ZBTB2: variants seen among roughly 807,000 people sequenced by gnomAD.
ZBTB2 encodes zinc finger and BTB domain-containing protein 2.
ZBTB2 carries 2 observed loss-of-function variants against 39.5 expected under a neutral mutation model. The observed-to-expected ratio is 0.05, with a 90% CI of 0.02 to 0.16. The LOEUF is 0.16. Among genes scored for constraint, ZBTB2 ranks in the 10% least tolerant of loss-of-function variants. The pLI is 1.00. For missense variants in ZBTB2, 391 were observed against 653.0 expected (o/e 0.60, Z 4.37); for synonymous variants, 251 against 256.6 (o/e 0.98, Z 0.21).
At chr6:151,374,930 TAAAAAAAAAA>T (rs71556221) in intron 1 of ZBTB2, among the ~76,000 whole-genome samples, 1 of 63,838 alleles carries the variant, frequency 1.6e-5, no homozygotes, top group Non-Finnish European at 3.1e-5. Context: ...CCGTCTCTAC[TAAAAAAAAAA>T]AAAAAAAAAA....
Position 151,373,455 on chromosome 6 carries a change from C to T in ZBTB2, c.173+10G>A. 2 of 1,614,034 alleles carry T rather than the reference C, an allele frequency of 1.2e-6. No homozygotes were observed. Among genetic ancestry groups the T allele is most frequent in the Non-Finnish European group, 1.7e-6 (2 of 1,179,990 alleles). On this transcript the variant is annotated intron_variant, in intron 2 of 2. Coordinates refer to ENST00000325144, the MANE Select transcript of ZBTB2 (RefSeq NM_020861.3). ...ACAGTCATTAGGTTATTAGCAACCA[C>T]TTTAGTTACCTGGTCTGATGGACAA...
At chr6:151,378,408 C>G (rs1310564772) in intron 1 of ZBTB2, among the ~76,000 whole-genome samples, 1 of 152,178 alleles carries the variant, frequency 6.6e-6, no homozygotes, top group Non-Finnish European at 1.5e-5. Context: ...CCACTACTTT[C>G]TGTGTATGCC....
In ZBTB2 at chr6:151,367,044, C is replaced by T. The variant is rs889476033; in HGVS notation, c.174-152G>A. 4 of 834,930 alleles carry T rather than the reference C, an allele frequency of 4.8e-6. No individual in the cohort carries two copies. In the Admixed American group the frequency reaches 9.7e-5, roughly 20 times the overall value. 51.7% of individuals were successfully genotyped at this position (834,930 alleles called of 1,614,324 possible). ...TTTCATGAAAATGGGATGAAATAAT[C>T]AAGAGACGAAGTTCACGTTAAAGAA... On this transcript the variant is annotated intron_variant, in intron 2 of 2. Coordinates refer to ENST00000325144, the MANE Select transcript of ZBTB2 (RefSeq NM_020861.3).
At chr6:151,380,140 G>GA (rs201128167) in intron 1 of ZBTB2, among the ~76,000 whole-genome samples, 3,655 of 141,002 alleles carry the variant, frequency 0.026, 74 homozygotes, top group African/African-American at 0.065. Flanking sequence ...CCAGAGAAAT[G>GA]AAAAAAAAAA....
rs559627259 is a variant in ZBTB2, at chr6:151,377,049, T to C, written c.-12-3400A>G. On this transcript the variant is annotated intron_variant, in intron 1 of 2. Transcript: ENST00000325144. ...TACTGATAACGTACAACAACTTGGGTGAATTACACTCAGTGAAAAAAGCCA... is the reference window on the plus strand; with the variant it reads ...TACTGATAACGTACAACAACTTGGGCGAATTACACTCAGTGAAAAAAGCCA... Among the ~76,000 whole-genome samples, 287 of 151,998 alleles carry C rather than the reference T, an allele frequency of 1.9e-3. 2 individuals carry two copies. The highest frequency in any genetic ancestry group is 6.7e-3 in the African/African-American group (279 of 41,452).
chr6:151,373,869 A>C lies in ZBTB2; in HGVS notation c.-12-220T>G, dbSNP rs1030641470. On this transcript the variant is annotated intron_variant, in intron 1 of 2. Coordinates refer to ENST00000325144, the MANE Select transcript of ZBTB2 (RefSeq NM_020861.3). ...AAAAAAAAAAAAAAAAAAAAAAAAA[A>C]AAAAAAAACCAGATGATGCCATTTA... Among the ~76,000 whole-genome samples, 67 of 147,340 alleles carry C rather than the reference A, an allele frequency of 4.5e-4. 1 individual carries two copies. The highest frequency in any genetic ancestry group is 3.9e-3 in the Middle Eastern group (1 of 258).
chr6:151,380,449 G>A (rs912376051), intron 1 of ZBTB2, among the ~76,000 whole-genome samples: 2 of 152,262 alleles, frequency 1.3e-5, no homozygotes, highest in African/African-American at 4.8e-5. Context: ...ATTTCCATGA[G>A]GCTTAACTGG....
chr6:151,373,147 TC>T (rs1191376240), intron 2 of ZBTB2, among the ~76,000 whole-genome samples: 1 of 90,412 alleles, frequency 1.1e-5, no homozygotes, highest in Admixed American at 1.9e-4. Flanking sequence ...AGAGAGAGAC[TC>T]CGTCTCAAAA....
At chr6:151,367,123 A>AT (rs762359532) in intron 2 of ZBTB2, among the ~76,000 whole-genome samples, 2,753 of 144,398 alleles carry the variant, frequency 0.019, 59 homozygotes, top group African/African-American at 0.057. Context: ...TAGTAAGTTA[A>AT]TTTTTTTTTT....
intron 2 of ZBTB2, among the ~76,000 whole-genome samples, chr6:151,367,731 C>T (rs1306886335): frequency 6.6e-6 from 1 of 152,086 alleles, no homozygotes; most frequent in Non-Finnish European, 1.5e-5. Flanking sequence ...TTATTTAGTC[C>T]GATTTGACAG....
Position 151,366,382 on chromosome 6 carries a change from A to G in ZBTB2, c.684T>C (p.Asp228=). ...EETNLEASSS[D]EQPASLTIAH... ...CTATTGTGAGGGACGCAGGCTGCTC[A>G]TCGGAGGAAGATGCTTCCAGATTGG... The change falls in exon 3 of 3, where the codon GAT becomes GAC. Residue 228 remains aspartate, a synonymous_variant. Transcript: ENST00000325144. The surrounding 1 kb of genome is among the most constrained non-coding windows in gnomAD (Gnocchi z 7.1). 3 of 1,614,132 alleles carry G rather than the reference A, an allele frequency of 1.9e-6. No individual in the cohort carries two copies. Among genetic ancestry groups the G allele is most frequent in the African/African-American group, 1.3e-5 (1 of 75,038 alleles).
intron 2 of ZBTB2, among the ~76,000 whole-genome samples, chr6:151,367,268 T>A (rs1198158307): frequency 6.6e-6 from 1 of 151,882 alleles, no homozygotes; most frequent in Non-Finnish European, 1.5e-5. Flanking sequence ...TTACAGGCGC[T>A]CACTACCACG....
At chr6:151,385,951 A>G (rs1779141134) in intron 1 of ZBTB2, among the ~76,000 whole-genome samples, 1 of 152,168 alleles carries the variant, frequency 6.6e-6, no homozygotes, top group Non-Finnish European at 1.5e-5. Context: ...CTTCTTCCAT[A>G]GTAATTAGAA....
At chr6:151,379,030 T>A (rs1390236373) in intron 1 of ZBTB2, among the ~76,000 whole-genome samples, 2 of 152,250 alleles carry the variant, frequency 1.3e-5, no homozygotes, top group Non-Finnish European at 2.9e-5. Flanking sequence ...TTAGTTGGAA[T>A]GTGCTACATG....
intron 1 of ZBTB2, among the ~76,000 whole-genome samples, chr6:151,385,048 A>C (rs1335388613): frequency 1.3e-5 from 2 of 151,946 alleles, no homozygotes; most frequent in Non-Finnish European, 2.9e-5. Context: ...CTTAAAAAAA[A>C]CCCAACTAAA....
intron 1 of ZBTB2, among the ~76,000 whole-genome samples, chr6:151,387,554 T>C (rs748244919): frequency 1.6e-4 from 24 of 152,312 alleles, no homozygotes; most frequent in Non-Finnish European, 2.9e-4. Context: ...CAGGAGAACA[T>C]GCGCACTTCA....
Position 151,366,948 on chromosome 6 carries a change from A to G in ZBTB2, c.174-56T>C. On this transcript the variant is annotated intron_variant, in intron 2 of 2. Transcript: ENST00000325144. The surrounding 1 kb of genome is among the most constrained non-coding windows in gnomAD (Gnocchi z 7.1). The stretch of plus-strand genomic sequence containing the variant: ...TAAATGCCAGTCTAGGTGTTAACAT[A>G]AAGCCTGAAGAAAAAAATGAATGCT... 2.0e-6 allele frequency: 3 copies of G among 1,506,498 alleles called. No individual in the cohort carries two copies. The highest frequency in any genetic ancestry group is 2.3e-5 in the East Asian group (1 of 43,936). 93.3% of individuals were successfully genotyped at this position (1,506,498 alleles called of 1,614,324 possible).
chr6:151,387,263 G>A (rs1482604079), intron 1 of ZBTB2, among the ~76,000 whole-genome samples: 1 of 151,826 alleles, frequency 6.6e-6, no homozygotes, highest in African/African-American at 2.4e-5. Context: ...CACTTTCAAC[G>A]GATCATTTAC....
At chr6:151,382,957 ACT>A (rs1779069900) in intron 1 of ZBTB2, among the ~76,000 whole-genome samples, 1 of 146,518 alleles carries the variant, frequency 6.8e-6, no homozygotes, top group Admixed American at 6.9e-5. Context: ...ATTGAGTCTC[ACT>A]CTGTTGCTCT....
Sources: allele counts gnomAD v4.1 joint callset (sites outside exome capture counted in the v4.1 genomes callset), GRCh38; gene constraint gnomAD v4.1.1; non-coding constraint Gnocchi (gnomAD v3.1); transcripts MANE v1.5; gene names NCBI Gene and HGNC (gene_info 2026-07-23, HGNC 2026-07-21).